TSFM: variants seen among roughly 807,000 people sequenced by gnomAD.
The protein encoded by TSFM is Ts translation elongation factor, mitochondrial.
Under a neutral mutation model 33.4 loss-of-function variants are expected in TSFM, and 29 were observed. The observed-to-expected ratio is 0.87, with a 90% confidence interval of 0.65 to 1.18. The LOEUF (loss-of-function observed/expected upper bound fraction) is 1.18. Among genes scored for constraint, TSFM ranks in the 50% most tolerant of loss-of-function variants. TSFM has a pLI of 0.00. For synonymous variants in TSFM, 178 were observed against 163.5 expected, an observed-to-expected ratio of 1.09 and a Z score of -0.68; for missense variants, 394 against 395.6, an observed-to-expected ratio of 1.00 and a Z score of 0.04.
chr12:57,784,148 C>T (rs1032027830), intron 2 of TSFM: 5 of 702,176 alleles, frequency 7.1e-6, no homozygotes, highest in Non-Finnish European at 1.0e-5. Flanking sequence ...GGACTGAATA[C>T]TGTAGGCAGT....
intron 2 of TSFM, chr12:57,784,224 T>TA (rs1183279733): frequency 8.9e-6 from 6 of 676,380 alleles, no homozygotes; most frequent in South Asian, 4.7e-5. Context: ...GCATAAAAGA[T>TA]AAAAAACGAT....
At chr12:57,799,106 G>A (rs1955794812), downstream of TSFM, among the ~76,000 whole-genome samples, 1 of 152,190 alleles carries the variant, frequency 6.6e-6, no homozygotes, top group Admixed American at 6.5e-5. Context: ...TAAAGGGACT[G>A]GAGCAGGTAT....
chr12:57,794,231 G>A (rs10877020), intron 5 of TSFM, among the ~76,000 whole-genome samples: 54,782 of 152,064 alleles, frequency 0.36, 10,872 homozygotes, highest in Middle Eastern at 0.62. Context: ...TTAACTATTG[G>A]GTATATGCTT....
chr12:57,783,548 AT>A, intron 2 of TSFM: 1 of 640,326 alleles, frequency 1.6e-6, no homozygotes, highest in African/African-American at 1.8e-5. Context: ...TTGGAGTCAG[AT>A]TGTTCAGGAG....
chr12:57,783,873 C>T (rs1955551264), intron 2 of TSFM: 5 of 683,484 alleles, frequency 7.3e-6, no homozygotes, highest in Non-Finnish European at 1.1e-5. Context: ...GCCTCGGCTT[C>T]CCAGAGTGGT....
intron 5 of TSFM, among the ~76,000 whole-genome samples, chr12:57,794,318 G>T (rs1421269308): frequency 6.6e-6 from 1 of 152,120 alleles, no homozygotes; most frequent in Admixed American, 6.6e-5. Flanking sequence ...GGCTAATCCA[G>T]GCATACTTAT....
chr12:57,798,397 C>T (rs751394602), downstream of TSFM, among the ~76,000 whole-genome samples: 2 of 152,102 alleles, frequency 1.3e-5, no homozygotes, highest in East Asian at 1.9e-4. Context: ...AATGCATGAT[C>T]GGGTGGATCT....
rs1264882389 is a variant in TSFM at position 57,792,383 on chromosome 12, A to G, written c.484-603A>G. Among the ~76,000 whole-genome samples, 6 of 152,222 alleles carry G rather than the reference A, an allele frequency of 3.9e-5. No homozygotes were observed. The South Asian group carries it at 1.0e-3, about 26-fold the overall frequency. ...AGCAACATAGGGAAACCCCATCTCT[A>G]TATTTAAAAGAAAAAGAAAATAATT... On this transcript the variant is annotated intron_variant, in intron 4 of 5. Transcript: ENST00000652027.
Position 57,782,851 on chromosome 12 carries a change from G to A in TSFM, c.50G>A (p.Ser17Asn), listed in dbSNP as rs1179325951. 3 of 1,593,494 alleles carry A rather than the reference G, an allele frequency of 1.9e-6. No individual in the cohort carries two copies. The highest frequency in any genetic ancestry group is 3.5e-5 in the Admixed American group (2 of 56,992). ...LRVFLVARTG[S>N]YPAGSLLRQS... ...GTGTTTCTGGTCGCGCGGACCGGGAGCTACCCGGTGAGAAGTCCTGGTGCT... is the reference window on the plus strand; with the variant it reads ...GTGTTTCTGGTCGCGCGGACCGGGAACTACCCGGTGAGAAGTCCTGGTGCT... The change falls in exon 1 of 6, where the codon AGC (serine) becomes AAC (asparagine). Residue 17 changes from serine (S) to asparagine (N), a missense_variant. Physicochemically the swap from Ser to Asn is conservative, Grantham distance 46. Around this residue, in one of 3 missense-constraint regions of TSFM, gnomAD observed 208 missense variants for 180.4 expected, o/e 1.15. Transcript: ENST00000652027.
chr12:57,788,314 C>G (rs1392695983), intron 4 of TSFM, among the ~76,000 whole-genome samples: 1 of 151,118 alleles, frequency 6.6e-6, no homozygotes, highest in Non-Finnish European at 1.5e-5. Context: ...AAGTCTTGCT[C>G]TGTCACTCAG....
chr12:57,798,797 A>G (rs1955787300), downstream of TSFM, among the ~76,000 whole-genome samples: 1 of 151,870 alleles, frequency 6.6e-6, no homozygotes, highest in Admixed American at 6.6e-5. Context: ...TTGTATTTTT[A>G]GTACAGACGG....
intron 2 of TSFM, among the ~76,000 whole-genome samples, chr12:57,785,530 C>T (rs1019480745): frequency 2.6e-5 from 4 of 152,170 alleles, no homozygotes; most frequent in East Asian, 1.9e-4. Context: ...TGCAGTGGCG[C>T]GATAGATCTT....
In TSFM at chr12:57,784,916, CTTTTTTTTTT is replaced by C. The variant is rs1164168295; in HGVS notation, c.232-1228_232-1219del. Among the ~76,000 whole-genome samples, 4 of 79,152 alleles carry C rather than the reference CTTTTTTTTTT, an allele frequency of 5.1e-5. 1 individual carries two copies. Among genetic ancestry groups the C allele is most frequent in the African/African-American group, 9.4e-5 (2 of 21,336 alleles). The allele number at this position is 79,152 out of a possible 152,430, so 51.9% of individuals were successfully genotyped here. A position where few individuals can be genotyped will look rare whatever the true frequency, so the allele number is the denominator to read the frequency against. On this transcript the variant is annotated intron_variant, in intron 2 of 5. Coordinates refer to ENST00000652027, the MANE Select transcript of TSFM (RefSeq NM_005726.6). ...ACAACAACTTTTTTTATTGAAATAT[CTTTTTTTTTT>C]TTTTTTTTTTTTTTTTTTGAGACAG... is the stretch of plus-strand genomic sequence containing the variant.
rs185575118 is a variant in TSFM, at chr12:57,795,052, C to A, written c.572-1125C>A. Among the ~76,000 whole-genome samples, 521 of 144,492 alleles carry A rather than the reference C, an allele frequency of 3.6e-3. 11 individuals carry two copies. The East Asian group carries it at 0.055, about 15-fold the overall frequency. The allele number at this position is 144,492 out of a possible 152,430, so 94.8% of individuals were successfully genotyped here. A position where few individuals can be genotyped will look rare whatever the true frequency, so the allele number is the denominator to read the frequency against. ...GGGATTACAGGCGTGAGCCACCGCA[C>A]CCAGCCCTAGTTAATGCTCCATATA... On this transcript the variant is annotated intron_variant, in intron 5 of 5. Coordinates refer to ENST00000652027, the MANE Select transcript of TSFM (RefSeq NM_005726.6).
chr12:57,783,274 C>T lies in TSFM; in HGVS notation c.222C>T (p.Asp74=). The part of the protein sequence containing the change: ...CKKALETCGG[D]LKQAEIWLHK... ...AAGCTCTGGAGACTTGTGGCGGGGA[C>T]CTCAAACAGGTGTGTGTGTGGAGGG... Residue 74 remains aspartate, a synonymous_variant, in exon 2 of 6, where the codon GAC becomes GAT. Transcript: ENST00000652027. The T allele has an allele frequency of 3.1e-6, 5 of 1,613,626 alleles. No individual in the cohort carries two copies. The highest frequency in any genetic ancestry group is 4.2e-6 in the Non-Finnish European group (5 of 1,179,878).
At chr12:57,797,859 C>T (rs768513304), downstream of TSFM, 2 of 1,526,428 alleles carry the variant, frequency 1.3e-6, no homozygotes, top group Admixed American at 4.2e-5. Context: ...TGTGGCCTTG[C>T]AATAGGTATA....
At chr12:57,796,141 T>C (rs756473852) in intron 5 of TSFM, 36 bp from the exon 6 acceptor site, 3 of 1,536,180 alleles carry the variant, frequency 2.0e-6, no homozygotes, top group Non-Finnish European at 2.6e-6. Context: ...CATCACAATT[T>C]GTTGGTGTGT....
Position 57,797,439 on chromosome 12 carries a change from G to A in TSFM, c.*856G>A, listed in dbSNP as rs1386565349. 4 of 985,420 alleles carry A rather than the reference G, an allele frequency of 4.1e-6. No individual in the cohort carries two copies. Among genetic ancestry groups the A allele is most frequent in the South Asian group, 9.4e-5 (2 of 21,292 alleles). The allele number at this position is 985,420 out of a possible 1,614,324, so 61.0% of individuals were successfully genotyped here. On this transcript the variant is annotated 3_prime_UTR_variant, in exon 6 of 6. Coordinates refer to ENST00000652027, the MANE Select transcript of TSFM (RefSeq NM_005726.6). ...ATGCTTTGACACATTACAGATCTGG[G>A]TATTTGGATTTTGCCTATGGAGTGC...
chr12:57,792,008 A>T, intron 4 of TSFM: 1 of 311,644 alleles, frequency 3.2e-6, no homozygotes. Context: ...TGGGAGGCTG[A>T]AGCAGGTGGA....
Sources: allele counts gnomAD v4.1 joint callset (sites outside exome capture counted in the v4.1 genomes callset), GRCh38; gene constraint gnomAD v4.1.1; regional missense constraint gnomAD v4.1.1; transcripts MANE v1.5; gene names NCBI Gene and HGNC (gene_info 2026-07-23, HGNC 2026-07-21).